The following ANKRD30B variants were observed in gnomAD, a reference collection of about 807,000 sequenced individuals.
The protein encoded by ANKRD30B is ankyrin repeat domain-containing protein 30B.
In ANKRD30B, 144 loss-of-function variants were observed where a neutral mutation model predicts 202.2. The ratio of observed to expected loss-of-function variants is 0.71; its 90% CI spans 0.62 to 0.82. The LOEUF (loss-of-function observed/expected upper bound fraction) is 0.82. Among genes scored for constraint, ANKRD30B ranks in the 40% least tolerant of loss-of-function variants. ANKRD30B has a pLI of 0.00. For missense variants in ANKRD30B, 1,487 were observed against 1,669.1 expected (o/e 0.89, Z 1.90); for synonymous variants, 508 against 561.3 (o/e 0.91, Z 1.34).
chr18:14,936,758 G>C, the ANKRD30B span, among the ~76,000 whole-genome samples: 2 of 152,216 alleles, frequency 1.3e-5, no homozygotes, highest in Non-Finnish European at 2.9e-5. Flanking sequence ...TGGAGAAACA[G>C]TAGGGATCAG....
intron 32 of ANKRD30B, among the ~76,000 whole-genome samples, chr18:14,827,343 T>C (rs1970709754): frequency 6.6e-6 from 1 of 152,202 alleles, no homozygotes; most frequent in South Asian, 2.1e-4. Flanking sequence ...GAATTCCACA[T>C]TTAATATTTT....
chr18:14,833,566 T>G (rs1971046052), intron 34 of ANKRD30B, among the ~76,000 whole-genome samples: 1 of 152,228 alleles, frequency 6.6e-6, no homozygotes, highest in Non-Finnish European at 1.5e-5. Flanking sequence ...AACATTCATT[T>G]TTAAATTTTT....
the ANKRD30B span, among the ~76,000 whole-genome samples, chr18:14,906,075 T>G: frequency 6.6e-6 from 1 of 152,078 alleles, no homozygotes; most frequent in Non-Finnish European, 1.5e-5. Flanking sequence ...CAGACTCAAT[T>G]CAAGTCAGCA....
the ANKRD30B span, among the ~76,000 whole-genome samples, chr18:14,881,522 A>G: frequency 6.6e-6 from 1 of 152,044 alleles, no homozygotes; most frequent in Admixed American, 6.6e-5. Flanking sequence ...GTGTTCATCA[A>G]GGATATTGGT....
chr18:14,936,708 G>A, the ANKRD30B span, among the ~76,000 whole-genome samples: 3 of 152,088 alleles, frequency 2.0e-5, no homozygotes, highest in African/African-American at 7.2e-5. Context: ...CTCAATCAAC[G>A]TTCTTCCACC....
chr18:14,924,241 C>G, the ANKRD30B span, among the ~76,000 whole-genome samples: 41 of 152,302 alleles, frequency 2.7e-4, no homozygotes, highest in Non-Finnish European at 5.1e-4. Context: ...AAAGAAAACT[C>G]AATAATATCC....
chr18:14,866,726 C>T, the ANKRD30B span, among the ~76,000 whole-genome samples: 13 of 151,764 alleles, frequency 8.6e-5, no homozygotes, highest in South Asian at 6.3e-4. Context: ...CACTGCCTGC[C>T]GCAGGGGGCT....
At chr18:14,787,607 G>A (rs951079328) in intron 15 of ANKRD30B, among the ~76,000 whole-genome samples, 1 of 152,168 alleles carries the variant, frequency 6.6e-6, no homozygotes, top group African/African-American at 2.4e-5. Flanking sequence ...AGAAAGAAAA[G>A]CATGAGGAAT....
At chr18:14,880,671 T>G in the ANKRD30B span, among the ~76,000 whole-genome samples, 7 of 151,604 alleles carry the variant, frequency 4.6e-5, no homozygotes, top group African/African-American at 1.7e-4. Flanking sequence ...GTTCAAGTGA[T>G]TCTCCTGCCT....
the ANKRD30B span, among the ~76,000 whole-genome samples, chr18:14,903,193 C>G: frequency 0.027 from 4,170 of 152,248 alleles, 212 homozygotes; most frequent in African/African-American, 0.096. Flanking sequence ...CAAGGCAACA[C>G]TTCCCCTTCA....
chr18:14,824,869 G>A (rs1970597934), intron 32 of ANKRD30B, among the ~76,000 whole-genome samples: 1 of 152,150 alleles, frequency 6.6e-6, no homozygotes, highest in Non-Finnish European at 1.5e-5. Context: ...TAGATAACAT[G>A]TGAAGAAATA....
the ANKRD30B span, among the ~76,000 whole-genome samples, chr18:14,879,205 G>A: frequency 6.6e-6 from 1 of 152,120 alleles, no homozygotes; most frequent in African/African-American, 2.4e-5. Context: ...AATAATCAGG[G>A]TCAGAGACCA....
intron 14 of ANKRD30B, among the ~76,000 whole-genome samples, chr18:14,786,115 A>G (rs1968070922): frequency 6.6e-6 from 1 of 150,644 alleles, no homozygotes; most frequent in South Asian, 2.1e-4. Context: ...TGTACTGTTA[A>G]TGATGAAACG....
chr18:14,904,603 C>G, the ANKRD30B span, among the ~76,000 whole-genome samples: 1 of 152,066 alleles, frequency 6.6e-6, no homozygotes, highest in Non-Finnish European at 1.5e-5. Context: ...TCTATATATC[C>G]ATTTACAGCT....
At chr18:14,808,844 T>G (rs556912173) in intron 26 of ANKRD30B, 100 bp downstream of exon 26, 2 of 1,204,578 alleles carry the variant, frequency 1.7e-6, no homozygotes, top group Non-Finnish European at 2.3e-6. Context: ...TTTAGAAAAT[T>G]TGGTGGGAAA....
the ANKRD30B span, among the ~76,000 whole-genome samples, chr18:14,924,803 C>T: frequency 2.6e-5 from 4 of 152,178 alleles, no homozygotes; most frequent in East Asian, 7.7e-4. Context: ...GTTCCCCAGG[C>T]TGAGAGGGCT....
intron 34 of ANKRD30B, among the ~76,000 whole-genome samples, chr18:14,832,895 A>C (rs1971013548): frequency 6.6e-6 from 1 of 152,152 alleles, no homozygotes; most frequent in Non-Finnish European, 1.5e-5. Context: ...TTCAGATTTT[A>C]AAAAATTTAA....
intron 24 of ANKRD30B, among the ~76,000 whole-genome samples, chr18:14,807,108 G>A (rs557173411): frequency 4.6e-5 from 7 of 150,940 alleles, no homozygotes; most frequent in Middle Eastern, 3.4e-3. Context: ...GAGAGTTTAT[G>A]TCCCCTGAAG....
the ANKRD30B span, among the ~76,000 whole-genome samples, chr18:14,894,666 G>GA: frequency 6.6e-6 from 1 of 150,918 alleles, no homozygotes; most frequent in Non-Finnish European, 1.5e-5. Context: ...TATCAACAAA[G>GA]AAAAAAACAT....
Sources: allele counts gnomAD v4.1 joint callset (sites outside exome capture counted in the v4.1 genomes callset), GRCh38; gene constraint gnomAD v4.1.1; transcripts MANE v1.5; gene names NCBI Gene and HGNC (gene_info 2026-07-23, HGNC 2026-07-21).